Variants in ASAP2 observed in about 807,000 individuals in gnomAD.
ASAP2 encodes the protein arf-GAP with SH3 domain, ANK repeat and PH domain-containing protein 2.
In ASAP2, 45 loss-of-function variants were observed where a neutral mutation model predicts 131.4. That is an observed-to-expected ratio of 0.34 (90% confidence interval 0.27 to 0.44). ASAP2 has a LOEUF of 0.44. ASAP2 is among the 20% of genes least tolerant of loss of function. The probability of loss-of-function intolerance (pLI) is 1.00; values close to 1 mark genes in which losing one functional copy is unlikely to be tolerated. For synonymous variants in ASAP2, 510 were observed against 503.0 expected (o/e 1.01, Z -0.19); for missense variants, 1,011 against 1,297.0 (o/e 0.78, Z 3.39).
chr2:9,392,024 G>A lies in ASAP2; in HGVS notation c.2518+828G>A, dbSNP rs945072327. ...GCCTCCTGAGTAGCTGGGATTATTG[G>A]TGCAAGCGTATTTTTTGTAGAGACA... is the stretch of plus-strand genomic sequence containing the variant. On this transcript the variant is annotated intron_variant, in intron 23 of 27. Coordinates refer to ENST00000281419, the MANE Select transcript of ASAP2 (RefSeq NM_003887.3). This position sits in a 1 kb window ranked among gnomAD's most constrained non-coding sequence, Gnocchi z 4.0. Among the ~76,000 whole-genome samples, 1 of 152,082 alleles carries A rather than the reference G, an allele frequency of 6.6e-6. No homozygotes were observed. Among genetic ancestry groups the A allele is most frequent in the Non-Finnish European group, 1.5e-5 (1 of 68,020 alleles).
chr2:9,291,616 G>A (rs555151374), intron 2 of ASAP2, among the ~76,000 whole-genome samples: 3 of 152,170 alleles, frequency 2.0e-5, no homozygotes, highest in South Asian at 2.1e-4. Flanking sequence ...TGCTGCCATA[G>A]AGAACATATG....
At position 9,279,330 on chromosome 2, in the gene ASAP2, A is replaced by G; in HGVS notation, c.140A>G (p.Asp47Gly). The change falls in exon 2 of 28, where the codon GAC becomes GGC. Residue 47 changes from aspartate (D) to glycine (G), a missense_variant. Around this residue, in one of 2 missense-constraint regions of ASAP2, gnomAD observed 359 missense variants for 598.1 expected, o/e 0.60. Coordinates refer to ENST00000281419, the MANE Select transcript of ASAP2 (RefSeq NM_003887.3). ...TCTACATTTTAGGCTTTGGACGTGG[A>G]CCGGATGGTTCTTTACAAAATGAAG... ...VAAIEEALDV[D>G]RMVLYKMKKS... 1 of 1,614,208 alleles carries G rather than the reference A, an allele frequency of 6.2e-7. No individual in the cohort carries two copies. Among genetic ancestry groups the G allele is most frequent in the Non-Finnish European group, 8.5e-7 (1 of 1,180,036 alleles).
intron 18 of ASAP2, among the ~76,000 whole-genome samples, chr2:9,378,087 C>A (rs1245968932): frequency 6.6e-6 from 1 of 152,084 alleles, no homozygotes; most frequent in Non-Finnish European, 1.5e-5. Context: ...TGAAACACAC[C>A]CCCCGCTCCC....
At chr2:9,270,329 G>A (rs1201951080) in intron 1 of ASAP2, among the ~76,000 whole-genome samples, 1 of 152,182 alleles carries the variant, frequency 6.6e-6, no homozygotes, top group Non-Finnish European at 1.5e-5. Flanking sequence ...TTGAGAGCCT[G>A]GGTCTGGTTA....
In ASAP2 at chr2:9,218,066, A is replaced by G. The variant is rs553277360; in HGVS notation, c.126+10836A>G. Reference sequence around the variant, plus strand: ...GTTAGTCCTATAGTGACATGCCTCCAGGTTCCACATCCCACAACCAGCATT... The same window carrying G: ...GTTAGTCCTATAGTGACATGCCTCCGGGTTCCACATCCCACAACCAGCATT... On this transcript the variant is annotated intron_variant, in intron 1 of 27. Coordinates refer to ENST00000281419, the MANE Select transcript of ASAP2 (RefSeq NM_003887.3). Among the ~76,000 whole-genome samples the G allele has an allele frequency of 5.3e-5, 8 of 152,316 alleles. No individual in the cohort carries two copies. The South Asian group carries it at 1.7e-3, about 32-fold the overall frequency.
intron 12 of ASAP2, among the ~76,000 whole-genome samples, 180 bp from the exon 13 acceptor site, chr2:9,355,867 G>A (rs1672665100): frequency 6.6e-6 from 1 of 152,166 alleles, no homozygotes; most frequent in South Asian, 2.1e-4. Context: ...GCATTAGAAT[G>A]CCACCGTTGG....
chr2:9,261,196 C>G (rs757557489), intron 1 of ASAP2, among the ~76,000 whole-genome samples: 6 of 152,064 alleles, frequency 3.9e-5, no homozygotes, highest in Non-Finnish European at 8.8e-5. Flanking sequence ...GGGGTAATGC[C>G]GGGTGGTTAT....
chr2:9,275,223 C>G lies in ASAP2; in HGVS notation c.127-4094C>G, dbSNP rs141936395. On this transcript the variant is annotated intron_variant, in intron 1 of 27. Transcript: ENST00000281419. ...AGCCTGGGATTACAGGTGCATGTTC[C>G]CATGCCCGGCTAACTTATTTTTATT... 3.6e-3 allele frequency among the ~76,000 whole-genome samples: 548 copies of G among 152,102 alleles called. 2 individuals are homozygous for G. Among genetic ancestry groups the G allele is most frequent in the African/African-American group, 0.012 (518 of 41,456 alleles).
intron 1 of ASAP2, among the ~76,000 whole-genome samples, chr2:9,211,263 ATTT>A: frequency 1.3e-5 from 2 of 152,134 alleles, no homozygotes; most frequent in Non-Finnish European, 2.9e-5. Flanking sequence ...ATTTTGTACA[ATTT>A]TAGCAAACTT....
chr2:9,353,296 G>A (rs986942937), intron 12 of ASAP2, among the ~76,000 whole-genome samples: 23 of 151,782 alleles, frequency 1.5e-4, no homozygotes, highest in African/African-American at 5.4e-4. Context: ...GCCAGGCAGT[G>A]GCTCATGCCT....
At chr2:9,336,604 T>C (rs1181342388) in intron 9 of ASAP2, among the ~76,000 whole-genome samples, 1 of 152,174 alleles carries the variant, frequency 6.6e-6, no homozygotes, top group Non-Finnish European at 1.5e-5. Flanking sequence ...TTGGTAAACA[T>C]GGGTCAACTA....
At chr2:9,385,438 C>T in intron 21 of ASAP2, 80 bp downstream of exon 21, 1 of 1,089,622 alleles carries the variant, frequency 9.2e-7, no homozygotes, top group Non-Finnish European at 1.4e-6. Flanking sequence ...GTAATTAAGG[C>T]AGAAAGCTGT....
intron 18 of ASAP2, 45 bp from the exon 19 acceptor site, chr2:9,378,899 G>A: frequency 3.7e-6 from 5 of 1,338,676 alleles, no homozygotes; most frequent in Non-Finnish European, 3.9e-6. Flanking sequence ...TGGTCGTCCA[G>A]CCTGTGACAC....
chr2:9,356,095 T>C lies in ASAP2; in HGVS notation c.1160T>C (p.Ile387Thr). Reference sequence around the variant, plus strand: ...GCTGAAGATGAACAGGAATGTCAAATGTAAGTTACATGGTGGTGGGACTTT... The same window carrying C: ...GCTGAAGATGAACAGGAATGTCAAACGTAAGTTACATGGTGGTGGGACTTT... ...FQAEDEQECQIWMSVLQNSKE... is the reference protein window; with the variant it reads ...FQAEDEQECQTWMSVLQNSKE... Residue 387 changes from isoleucine to threonine, a missense_variant and splice_region_variant, in exon 13 of 28, where the codon ATA becomes ACA. Physicochemically the swap from Ile to Thr is moderately conservative, Grantham distance 89. This residue lies in a region of ASAP2 where 359 missense variants were observed against 598.1 expected (regional missense o/e 0.60). Transcript: ENST00000281419. 1 of 1,614,224 alleles carries C rather than the reference T, an allele frequency of 6.2e-7. No individual in the cohort carries two copies. The highest frequency in any genetic ancestry group is 8.5e-7 in the Non-Finnish European group (1 of 1,180,044).
At position 9,368,874 on chromosome 2, in the gene ASAP2, G is replaced by A. The variant is rs184218059; in HGVS notation, c.1556+355G>A. On this transcript the variant is annotated intron_variant, in intron 16 of 27. Coordinates refer to ENST00000281419, the MANE Select transcript of ASAP2 (RefSeq NM_003887.3). ...TCTCTCTGCATAATCCTGAGCCACCGAGATGGCTGGTTGTGGTAGATATGT... is the reference window on the plus strand; with the variant it reads ...TCTCTCTGCATAATCCTGAGCCACCAAGATGGCTGGTTGTGGTAGATATGT... 9.9e-5 allele frequency among the ~76,000 whole-genome samples: 15 copies of A among 152,258 alleles called. No individual in the cohort carries two copies. In the East Asian group the frequency reaches 1.2e-3, roughly 12 times the overall value.
At chr2:9,252,892 G>A (rs559655743) in intron 1 of ASAP2, among the ~76,000 whole-genome samples, 6 of 146,024 alleles carry the variant, frequency 4.1e-5, no homozygotes, top group African/African-American at 7.7e-5. Flanking sequence ...CTCCAGCCTC[G>A]CGACAAAGCG....
At chr2:9,258,226 C>T (rs893521467) in intron 1 of ASAP2, among the ~76,000 whole-genome samples, 1 of 136,346 alleles carries the variant, frequency 7.3e-6, no homozygotes, top group South Asian at 2.3e-4. Flanking sequence ...GGCTGGGTGA[C>T]AGAGCGATAC....
chr2:9,388,699 C>T (rs1675492469), intron 22 of ASAP2, among the ~76,000 whole-genome samples, 153 bp downstream of exon 22: 2 of 152,186 alleles, frequency 1.3e-5, no homozygotes, highest in African/African-American at 4.8e-5. Flanking sequence ...TTCCATCATT[C>T]TTATCAGGCC....
At chr2:9,358,917 T>C (rs1279250378) in intron 15 of ASAP2, 28 bp downstream of exon 15, 1 of 1,593,384 alleles carries the variant, frequency 6.3e-7, no homozygotes, top group Non-Finnish European at 8.6e-7. Flanking sequence ...GATTTCAGAT[T>C]GGAAACAAAT....
Sources: gnomAD v4.1 joint callset for allele counts (sites outside exome capture counted in the v4.1 genomes callset) on GRCh38, gnomAD v4.1.1 for gene constraint, gnomAD v4.1.1 regional missense constraint, Gnocchi (gnomAD v3.1) non-coding constraint, MANE v1.5 for transcripts, NCBI Gene and HGNC (gene_info 2026-07-23, HGNC 2026-07-21) for gene names.